SLC35D1: variants seen among roughly 807,000 people sequenced by gnomAD.
The protein encoded by SLC35D1 is solute carrier family 35 member D1, also known as nucleotide sugar transporter SLC35D1.
A neutral mutation model predicts 46.7 loss-of-function variants in SLC35D1; 31 were observed. The observed-to-expected ratio is 0.66, with a 90% CI of 0.50 to 0.90. The LOEUF (loss-of-function observed/expected upper bound fraction) is 0.90, where lower values mean the gene tolerates loss of function less well. Among genes scored for constraint, SLC35D1 ranks in the 40% least tolerant of loss-of-function variants. The pLI, the probability that SLC35D1 is intolerant of heterozygous loss-of-function variation, is 0.00. For missense variants in SLC35D1, 397 were observed against 426.2 expected (o/e 0.93, Z 0.60); for synonymous variants, 195 against 164.6 (o/e 1.18, Z -1.41).
At chr1:67,008,723 C>G (rs1667501760) in intron 11 of SLC35D1, among the ~76,000 whole-genome samples, 1 of 152,064 alleles carries the variant, frequency 6.6e-6, no homozygotes, top group Admixed American at 6.6e-5. Flanking sequence ...ATATAGCAAC[C>G]CTGTGGCCAG....
At chr1:67,014,328 TA>T (rs2102257148) in intron 10 of SLC35D1, among the ~76,000 whole-genome samples, 1 of 152,296 alleles carries the variant, frequency 6.6e-6, no homozygotes, top group Non-Finnish European at 1.5e-5. Flanking sequence ...TAAAACACAA[TA>T]AGGGCTTGGG....
chr1:66,976,738 C>A, the SLC35D1 span: 1 of 1,563,464 alleles, frequency 6.4e-7, no homozygotes, highest in East Asian at 2.3e-5. Context: ...TTAATTTTTT[C>A]CTTAAGAGCT....
intron 10 of SLC35D1, among the ~76,000 whole-genome samples, chr1:67,011,511 C>G (rs1667565712): frequency 6.6e-6 from 1 of 152,176 alleles, no homozygotes; most frequent in Non-Finnish European, 1.5e-5. Flanking sequence ...GCCACCAGGT[C>G]TCACTCTGTC....
downstream of SLC35D1, among the ~76,000 whole-genome samples, chr1:66,997,219 C>G (rs1439270476): frequency 6.6e-6 from 1 of 151,992 alleles, no homozygotes; most frequent in Non-Finnish European, 1.5e-5. Flanking sequence ...AATAACATAT[C>G]TGATAAAGGG....
the SLC35D1 span, among the ~76,000 whole-genome samples, chr1:66,974,686 A>G: frequency 6.6e-6 from 1 of 152,120 alleles, no homozygotes; most frequent in Non-Finnish European, 1.5e-5. Context: ...AGTGGCATTT[A>G]AATGTTACAA....
chr1:67,035,837 A>C (rs1057244730), intron 8 of SLC35D1, among the ~76,000 whole-genome samples: 27 of 144,380 alleles, frequency 1.9e-4, no homozygotes, highest in African/African-American at 5.9e-4. Flanking sequence ...AGGCATTTAC[A>C]GTTGTAAACT....
chr1:66,987,994 A>G, the SLC35D1 span: 1 of 152,330 alleles, frequency 6.6e-6, no homozygotes, highest in Admixed American at 6.5e-5. Flanking sequence ...TTCATATCAC[A>G]TTATGTTTTG....
chr1:67,052,743 A>C (rs781671953), intron 3 of SLC35D1, 28 bp downstream of exon 3: 24 of 1,611,294 alleles, frequency 1.5e-5, no homozygotes, highest in Non-Finnish European at 2.0e-5. Flanking sequence ...TCATTTCACA[A>C]AATAAAGTAT....
chr1:67,019,233 C>A (rs181169639), intron 10 of SLC35D1, among the ~76,000 whole-genome samples: 40 of 152,258 alleles, frequency 2.6e-4, no homozygotes, highest in Admixed American at 2.2e-3. Flanking sequence ...CACATTCTCG[C>A]TACTCTTATG....
rs1028585218 is a variant in SLC35D1 at position 67,003,970 on chromosome 1, T to A, written c.*370A>T. 1.3e-5 allele frequency: 3 copies of A among 225,058 alleles called. No homozygotes were observed. Among genetic ancestry groups the A allele is most frequent in the Non-Finnish European group, 2.7e-5 (3 of 111,548 alleles). 13.9% of individuals were successfully genotyped at this position (225,058 alleles called of 1,614,324 possible). A position where few individuals can be genotyped will look rare whatever the true frequency, so the allele number is the denominator to read the frequency against. On this transcript the variant is annotated 3_prime_UTR_variant, in exon 12 of 12. Coordinates refer to ENST00000235345, the MANE Select transcript of SLC35D1 (RefSeq NM_015139.3). ...CCTCCAGATGCAGCAACAATTTGAA[T>A]GATGAAGCTCCAGTTGGCAAACATT...
the SLC35D1 span, among the ~76,000 whole-genome samples, chr1:66,982,508 G>C: frequency 4.9e-4 from 74 of 152,340 alleles, no homozygotes; most frequent in Admixed American, 2.4e-3. Flanking sequence ...CAGTGGACCA[G>C]AGATCACTGT....
At chr1:67,011,379 A>G (rs1028319322) in intron 10 of SLC35D1, among the ~76,000 whole-genome samples, 1 of 152,208 alleles carries the variant, frequency 6.6e-6, no homozygotes, top group East Asian at 1.9e-4. Flanking sequence ...ACCAGCCAGC[A>G]TAAGGATAAA....
chr1:66,996,588 C>G (rs1325060957), downstream of SLC35D1, among the ~76,000 whole-genome samples: 1 of 152,188 alleles, frequency 6.6e-6, no homozygotes, highest in East Asian at 1.9e-4. Context: ...CCAGTGAACT[C>G]AGTCTGGCTT....
At chr1:66,983,847 CCTTCCGAGTAG>C in the SLC35D1 span, among the ~76,000 whole-genome samples, 3 of 152,188 alleles carry the variant, frequency 2.0e-5, no homozygotes, top group African/African-American at 7.2e-5. Context: ...GCTGCCTCAG[CCTTCCGAGTAG>C]CTGGGAGACG....
At chr1:66,993,917 G>T in the SLC35D1 span, among the ~76,000 whole-genome samples, 3 of 152,310 alleles carry the variant, frequency 2.0e-5, no homozygotes, top group South Asian at 6.2e-4. Flanking sequence ...CCTCAAAGAC[G>T]TTCCTCCTGC....
intron 8 of SLC35D1, among the ~76,000 whole-genome samples, chr1:67,031,822 A>C (rs1668023176): frequency 6.6e-6 from 1 of 152,242 alleles, no homozygotes; most frequent in African/African-American, 2.4e-5. Context: ...TACAGAAGAA[A>C]TTATTCGCTT....
Position 67,031,978 on chromosome 1 carries a change from C to T in SLC35D1, c.729+10258G>A, listed in dbSNP as rs919715106. ...TTAAAATGAAACAAAACTTCTGCTT[C>T]TAGAGAAAGCTCTGATAAAGAGCCA... is the stretch of plus-strand genomic sequence containing the variant. On this transcript the variant is annotated intron_variant, in intron 8 of 11. Transcript: ENST00000235345. 4.9e-6 allele frequency: 4 copies of T among 818,450 alleles called. No individual in the cohort carries two copies. In the African/African-American group the frequency reaches 7.4e-5, roughly 15 times the overall value. 50.7% of individuals were successfully genotyped at this position (818,450 alleles called of 1,614,324 possible).
chr1:66,994,734 A>C (rs1356717456), downstream of SLC35D1, among the ~76,000 whole-genome samples: 4 of 152,242 alleles, frequency 2.6e-5, no homozygotes, highest in East Asian at 7.7e-4. Context: ...TTTAAATCTT[A>C]GTTGAGGAAA....
the SLC35D1 span, among the ~76,000 whole-genome samples, chr1:66,980,920 CTA>C: frequency 6.6e-6 from 1 of 151,894 alleles, no homozygotes; most frequent in African/African-American, 2.4e-5. Flanking sequence ...GTCATAGACA[CTA>C]TGTAAACAAA....
Sources: allele counts gnomAD v4.1 joint callset (sites outside exome capture counted in the v4.1 genomes callset), GRCh38; gene constraint gnomAD v4.1.1; transcripts MANE v1.5; gene names NCBI Gene and HGNC (gene_info 2026-07-23, HGNC 2026-07-21).